Variants in BMPR1B observed in about 807,000 individuals in gnomAD.
The protein encoded by BMPR1B is bone morphogenetic protein receptor type 1B, also known as bone morphogenetic protein receptor type-1B.
In BMPR1B, 12 loss-of-function variants were observed where a neutral mutation model predicts 59.1. The ratio of observed to expected loss-of-function variants is 0.20; its 90% CI spans 0.13 to 0.33. BMPR1B has a LOEUF of 0.33. Ranked by LOEUF, BMPR1B falls within the 10% of genes least tolerant of loss-of-function variation. The pLI, the probability that BMPR1B is intolerant of heterozygous loss-of-function variation, is 1.00. For synonymous variants in BMPR1B, 237 were observed against 207.3 expected, an observed-to-expected ratio of 1.14 and a Z score of -1.23; for missense variants, 550 against 610.9, an observed-to-expected ratio of 0.90 and a Z score of 1.05.
chr4:94,909,663 T>C (rs1348939688), intron 2 of BMPR1B, among the ~76,000 whole-genome samples: 1 of 152,108 alleles, frequency 6.6e-6, no homozygotes, highest in Non-Finnish European at 1.5e-5. Context: ...TCCCTCTTCC[T>C]GATTTTACAT....
At chr4:94,946,133 A>G (rs1729701081) in intron 2 of BMPR1B, among the ~76,000 whole-genome samples, 1 of 152,152 alleles carries the variant, frequency 6.6e-6, no homozygotes, top group African/African-American at 2.4e-5. Flanking sequence ...ATTCTTGTCA[A>G]AAGTAGTGAG....
intron 1 of BMPR1B, among the ~76,000 whole-genome samples, chr4:94,821,585 A>AGGCCGGGCGCGGTGGCTCACGCC (rs1724211451): frequency 6.6e-6 from 1 of 152,202 alleles, no homozygotes; most frequent in Non-Finnish European, 1.5e-5. Context: ...TAAGAGTTCA[A>AGGCCGGGCGCGGTGGCTCACGCC]TAAAACAGCA....
At chr4:94,891,698 A>G (rs1444873241) in intron 2 of BMPR1B, among the ~76,000 whole-genome samples, 4 of 152,102 alleles carry the variant, frequency 2.6e-5, no homozygotes, top group African/African-American at 9.7e-5. Context: ...TAGGGATTGT[A>G]TGACTCCTAG....
chr4:95,037,685 A>G (rs1560610061), intron 3 of BMPR1B, among the ~76,000 whole-genome samples: 1 of 152,192 alleles, frequency 6.6e-6, no homozygotes, highest in African/African-American at 2.4e-5. Flanking sequence ...AAATTCATAA[A>G]TATGGTAGGT....
chr4:95,085,086 C>T (rs554904828), intron 3 of BMPR1B, among the ~76,000 whole-genome samples: 3 of 152,150 alleles, frequency 2.0e-5, no homozygotes, highest in Admixed American at 1.3e-4. Flanking sequence ...GAGTTCTCAT[C>T]CCCTTTCTTC....
chr4:95,068,406 C>T (rs1413559966), intron 3 of BMPR1B, among the ~76,000 whole-genome samples: 3 of 152,146 alleles, frequency 2.0e-5, no homozygotes, highest in Non-Finnish European at 4.4e-5. Context: ...CTTTGACCTA[C>T]CCGTGACTGC....
At chr4:95,098,706 C>T (rs1481820735) in intron 3 of BMPR1B, among the ~76,000 whole-genome samples, 2 of 151,912 alleles carry the variant, frequency 1.3e-5, no homozygotes, top group African/African-American at 4.8e-5. Flanking sequence ...TTAACTTACA[C>T]ATTATCAAGT....
intron 2 of BMPR1B, among the ~76,000 whole-genome samples, chr4:94,924,693 A>G (rs766164683): frequency 6.6e-5 from 10 of 152,134 alleles, no homozygotes; most frequent in Non-Finnish European, 1.5e-4. Context: ...TGCAACTTAG[A>G]TCAAGACAAT....
At chr4:95,115,052 A>G (rs746482536) in intron 5 of BMPR1B, among the ~76,000 whole-genome samples, 5 of 152,154 alleles carry the variant, frequency 3.3e-5, no homozygotes, top group African/African-American at 4.8e-5. Flanking sequence ...AGATACACAA[A>G]TGGATACTAT....
chr4:94,962,692 G>T (rs1276318704), intron 2 of BMPR1B, among the ~76,000 whole-genome samples: 3 of 152,116 alleles, frequency 2.0e-5, no homozygotes, highest in African/African-American at 7.2e-5. Context: ...ATATTCCATT[G>T]TGTATATGTA....
At chr4:95,071,648 G>GCATATATATATATA (rs1430593586) in intron 3 of BMPR1B, among the ~76,000 whole-genome samples, 24 of 104,756 alleles carry the variant, frequency 2.3e-4, no homozygotes, top group African/African-American at 9.5e-4. Flanking sequence ...GTGTGTGTGT[G>GCATATATATATATA]TGTGTATATA....
At chr4:95,109,143 A>G (rs926925103) in intron 4 of BMPR1B, among the ~76,000 whole-genome samples, 1 of 152,128 alleles carries the variant, frequency 6.6e-6, no homozygotes, top group Admixed American at 6.6e-5. Flanking sequence ...CATGTTATGC[A>G]TTTAAAAAAT....
intron 3 of BMPR1B, among the ~76,000 whole-genome samples, chr4:95,092,036 T>C (rs1050903927): frequency 1.3e-5 from 2 of 152,118 alleles, no homozygotes; most frequent in African/African-American, 2.4e-5. Context: ...TGAATTCTTT[T>C]ACTATTAATG....
intron 1 of BMPR1B, among the ~76,000 whole-genome samples, chr4:94,866,500 G>T (rs1726249148): frequency 6.6e-6 from 1 of 152,036 alleles, no homozygotes; most frequent in African/African-American, 2.4e-5. Flanking sequence ...CCCTGGTCTA[G>T]TGTCAGCCTC....
rs578238153 is a variant in BMPR1B, at chr4:95,036,798, G to A, written c.-18+40664G>A. Among the ~76,000 whole-genome samples, 81 of 146,982 alleles carry A rather than the reference G, an allele frequency of 5.5e-4. No homozygotes were observed. The South Asian group carries it at 0.017, about 30-fold the overall frequency. On this transcript the variant is annotated intron_variant, in intron 3 of 12. Transcript: ENST00000515059. ...TAGTTTTTTGAGGAATATCTGAACT[G>A]TTTTCTGTAGTGGTTGTAGTAATTT...
At chr4:94,801,813 T>C (rs1207496672) in intron 1 of BMPR1B, among the ~76,000 whole-genome samples, 2 of 152,212 alleles carry the variant, frequency 1.3e-5, no homozygotes, top group African/African-American at 4.8e-5. Context: ...TCCCTGGATT[T>C]TGCTGAGCAG....
At chr4:95,150,454 G>GA (rs67483429) in intron 11 of BMPR1B, among the ~76,000 whole-genome samples, 64 of 130,932 alleles carry the variant, frequency 4.9e-4, no homozygotes, top group South Asian at 1.8e-3. Context: ...TATTTAAAAA[G>GA]AAAAAAAAAA....
intron 10 of BMPR1B, among the ~76,000 whole-genome samples, chr4:95,135,796 T>C (rs1733731183): frequency 6.6e-6 from 1 of 152,224 alleles, no homozygotes; most frequent in Admixed American, 6.5e-5. Context: ...TATACAATCA[T>C]GTCATCTGCA....
intron 8 of BMPR1B, among the ~76,000 whole-genome samples, chr4:95,129,203 T>C (rs3796438): frequency 0.1 from 15,828 of 152,204 alleles, 2,027 homozygotes; most frequent in African/African-American, 0.3. Flanking sequence ...TACCAACCCA[T>C]AGCAAATTTA....
Sources: gnomAD v4.1 joint callset for allele counts (sites outside exome capture counted in the v4.1 genomes callset) on GRCh38, gnomAD v4.1.1 for gene constraint, MANE v1.5 for transcripts, NCBI Gene and HGNC (gene_info 2026-07-23, HGNC 2026-07-21) for gene names.